The following EXOC6B variants were observed in gnomAD, a reference collection of about 807,000 sequenced individuals.
EXOC6B encodes exocyst complex component 6B, also known as SEC15 homolog B.
EXOC6B carries 54 observed loss-of-function variants against 113.5 expected under a neutral mutation model. The observed-to-expected ratio is 0.48, with a 90% CI of 0.38 to 0.60. EXOC6B has a LOEUF of 0.60. EXOC6B is among the 20% of genes least tolerant of loss of function. The pLI, the probability that EXOC6B is intolerant of heterozygous loss-of-function variation, is 0.00. For synonymous variants in EXOC6B, 357 were observed against 339.0 expected, an observed-to-expected ratio of 1.05 and a Z score of -0.58; for missense variants, 797 against 977.5, an observed-to-expected ratio of 0.82 and a Z score of 2.46.
chr2:72,631,420 GTGTGTGTATATATATATATA>G (rs1303641300), intron 6 of EXOC6B, among the ~76,000 whole-genome samples: 1 of 8,074 alleles, frequency 1.2e-4, no homozygotes, highest in African/African-American at 3.3e-4. Context: ...GTGTGTGTGT[GTGTGTGTATATATATATATA>G]TATATATATA....
chr2:72,553,794 C>T (rs1703374253), intron 8 of EXOC6B, among the ~76,000 whole-genome samples: 1 of 151,836 alleles, frequency 6.6e-6, no homozygotes, highest in Admixed American at 6.6e-5. Context: ...TATTTTACAC[C>T]AAAATAAGCT....
chr2:72,283,648 T>A (rs1380408568), intron 20 of EXOC6B, among the ~76,000 whole-genome samples: 2 of 152,104 alleles, frequency 1.3e-5, no homozygotes, highest in African/African-American at 2.4e-5. Context: ...AAAAAAATTC[T>A]TCTGAGTCTC....
At chr2:72,573,981 T>C (rs1211839614) in intron 7 of EXOC6B, among the ~76,000 whole-genome samples, 2 of 151,792 alleles carry the variant, frequency 1.3e-5, no homozygotes, top group Non-Finnish European at 2.9e-5. Context: ...CCAGGCATGG[T>C]GGCGGGCGCC....
intron 6 of EXOC6B, among the ~76,000 whole-genome samples, chr2:72,708,636 C>G (rs1679046150): frequency 6.6e-6 from 1 of 152,164 alleles, no homozygotes. Flanking sequence ...TAGAATTATT[C>G]TCTGCATCCT....
chr2:72,561,745 A>T (rs758420620), intron 7 of EXOC6B, among the ~76,000 whole-genome samples: 73 of 152,280 alleles, frequency 4.8e-4, no homozygotes, highest in Non-Finnish European at 7.4e-5. Context: ...AAGGAGACAA[A>T]GGCCACTTTT....
intron 7 of EXOC6B, among the ~76,000 whole-genome samples, chr2:72,563,016 G>A (rs898115646): frequency 1.3e-5 from 2 of 152,102 alleles, no homozygotes; most frequent in Non-Finnish European, 2.9e-5. Flanking sequence ...AGTGCCTTTT[G>A]CCAGTTCAAA....
intron 1 of EXOC6B, among the ~76,000 whole-genome samples, chr2:72,775,941 A>G (rs1428275245): frequency 6.6e-6 from 1 of 152,236 alleles, no homozygotes; most frequent in African/African-American, 2.4e-5. Context: ...TAGGTGAATT[A>G]TATCAATGTC....
intron 6 of EXOC6B, among the ~76,000 whole-genome samples, chr2:72,666,866 T>A (rs1675433248): frequency 6.8e-6 from 1 of 148,032 alleles, no homozygotes; most frequent in Non-Finnish European, 1.5e-5. Flanking sequence ...GAGGAAAGAT[T>A]TTTCTTTTTT....
intron 8 of EXOC6B, among the ~76,000 whole-genome samples, chr2:72,552,465 T>C (rs1228256582): frequency 2.6e-5 from 4 of 152,164 alleles, no homozygotes; most frequent in Admixed American, 1.3e-4. Context: ...ATAACTCTTA[T>C]ATAAGTTGTT....
At chr2:72,443,345 A>C (rs965097442) in intron 18 of EXOC6B, among the ~76,000 whole-genome samples, 1 of 151,742 alleles carries the variant, frequency 6.6e-6, no homozygotes, top group African/African-American at 2.4e-5. Flanking sequence ...AAAGAAAGAA[A>C]GAAAAGACAC....
At chr2:72,661,946 A>G (rs1675045550) in intron 6 of EXOC6B, among the ~76,000 whole-genome samples, 1 of 152,034 alleles carries the variant, frequency 6.6e-6, no homozygotes, top group Admixed American at 6.5e-5. Context: ...GACAAAACTG[A>G]AAAACAATTC....
At chr2:72,377,279 A>T (rs1460117312) in intron 19 of EXOC6B, among the ~76,000 whole-genome samples, 2 of 152,328 alleles carry the variant, frequency 1.3e-5, no homozygotes, top group Middle Eastern at 3.4e-3. Flanking sequence ...AGCCATTAAG[A>T]GAAACAGTAT....
At chr2:72,761,441 G>A (rs532700443) in intron 1 of EXOC6B, among the ~76,000 whole-genome samples, 1 of 152,164 alleles carries the variant, frequency 6.6e-6, no homozygotes, top group Admixed American at 6.5e-5. Context: ...CAAAAGCTAT[G>A]AAATATCACC....
intron 1 of EXOC6B, among the ~76,000 whole-genome samples, chr2:72,796,436 G>C (rs1167757591): frequency 1.4e-5 from 2 of 146,118 alleles, no homozygotes; most frequent in Non-Finnish European, 1.5e-5. Context: ...ATGGGTGACA[G>C]AGTGAGACTC....
intron 16 of EXOC6B, among the ~76,000 whole-genome samples, chr2:72,486,958 A>T (rs1699457515): frequency 6.6e-6 from 1 of 151,838 alleles, no homozygotes; most frequent in South Asian, 2.1e-4. Flanking sequence ...TTCCTGAAAG[A>T]GCTGTCTTAT....
intron 18 of EXOC6B, among the ~76,000 whole-genome samples, chr2:72,405,006 C>A (rs1573045410): frequency 6.6e-6 from 1 of 152,054 alleles, no homozygotes. Context: ...GCAGAGAAGT[C>A]CTTAAAGGAC....
At chr2:72,196,083 A>G (rs1304964380) in intron 20 of EXOC6B, among the ~76,000 whole-genome samples, 2 of 152,240 alleles carry the variant, frequency 1.3e-5, no homozygotes, top group Admixed American at 1.3e-4. Flanking sequence ...ATTAGGGGTC[A>G]GCCCTTAAAA....
At chr2:72,707,390 T>C (rs1678953758) in intron 6 of EXOC6B, among the ~76,000 whole-genome samples, 1 of 151,818 alleles carries the variant, frequency 6.6e-6, no homozygotes, top group Non-Finnish European at 1.5e-5. Context: ...ATAGTCCTAT[T>C]ATTCATGTAT....
At chr2:72,527,775 G>C (rs995501802) in intron 8 of EXOC6B, among the ~76,000 whole-genome samples, 3 of 151,828 alleles carry the variant, frequency 2.0e-5, no homozygotes, top group African/African-American at 7.3e-5. Flanking sequence ...TAACAACTAA[G>C]GATGTTGAGT....
Sources: gnomAD v4.1 joint callset for allele counts (sites outside exome capture counted in the v4.1 genomes callset) on GRCh38, gnomAD v4.1.1 for gene constraint, MANE v1.5 for transcripts, NCBI Gene and HGNC (gene_info 2026-07-23, HGNC 2026-07-21) for gene names.